Variants in CLSTN2 observed in about 807,000 individuals in gnomAD.
CLSTN2 encodes the protein calsyntenin 2.
CLSTN2 carries 48 observed loss-of-function variants against 101.2 expected under a neutral mutation model. The observed-to-expected ratio is 0.47, with a 90% confidence interval of 0.38 to 0.60. CLSTN2 has a LOEUF of 0.60. CLSTN2 is among the 20% of genes least tolerant of loss of function. The pLI is 0.00. For synonymous variants in CLSTN2, 481 were observed against 463.6 expected (o/e 1.04, Z -0.48); for missense variants, 1,160 against 1,238.2 (o/e 0.94, Z 0.95).
chr3:140,489,371 A>G (rs1934297587), intron 8 of CLSTN2, among the ~76,000 whole-genome samples: 1 of 152,246 alleles, frequency 6.6e-6, no homozygotes, highest in Non-Finnish European at 1.5e-5. Context: ...CTTAAGTGGA[A>G]GAAACAGCAT....
At chr3:140,236,576 C>T (rs940291701) in intron 2 of CLSTN2, among the ~76,000 whole-genome samples, 1 of 152,068 alleles carries the variant, frequency 6.6e-6, no homozygotes, top group African/African-American at 2.4e-5. Context: ...CCTCCACTCC[C>T]GTTTTCTAAG....
At chr3:140,482,754 T>C (rs1209828428) in intron 8 of CLSTN2, among the ~76,000 whole-genome samples, 1 of 152,212 alleles carries the variant, frequency 6.6e-6, no homozygotes, top group Non-Finnish European at 1.5e-5. Context: ...TATTCTCTGA[T>C]GGTAGTTTGT....
chr3:140,224,575 C>A (rs1309334169), intron 2 of CLSTN2, among the ~76,000 whole-genome samples: 1 of 152,114 alleles, frequency 6.6e-6, no homozygotes, highest in African/African-American at 2.4e-5. Flanking sequence ...ACCCACAGAA[C>A]TTTAGTCTGG....
intron 2 of CLSTN2, among the ~76,000 whole-genome samples, chr3:140,371,107 A>G (rs922157981): frequency 3.9e-5 from 6 of 152,174 alleles, no homozygotes; most frequent in African/African-American, 1.4e-4. Flanking sequence ...TCCAGAGGCA[A>G]TGTGTTTCAC....
intron 16 of CLSTN2, among the ~76,000 whole-genome samples, chr3:140,565,465 G>T (rs1055157240): frequency 8.5e-5 from 13 of 152,140 alleles, no homozygotes; most frequent in African/African-American, 2.2e-4. Flanking sequence ...GGGGGAATTG[G>T]ACTGGAAAGG....
chr3:140,144,648 A>G (rs558718848), intron 1 of CLSTN2, among the ~76,000 whole-genome samples: 1 of 152,050 alleles, frequency 6.6e-6, no homozygotes, highest in African/African-American at 2.4e-5. Context: ...GCTTCCACCC[A>G]TCTCTTTTTT....
chr3:139,945,109 A>G (rs1027964075), intron 1 of CLSTN2, among the ~76,000 whole-genome samples: 1 of 152,208 alleles, frequency 6.6e-6, no homozygotes, highest in Non-Finnish European at 1.5e-5. Context: ...GACTTCAGCC[A>G]CTTTGCATCT....
chr3:140,208,537 C>T (rs2010812787), intron 2 of CLSTN2, among the ~76,000 whole-genome samples: 1 of 152,112 alleles, frequency 6.6e-6, no homozygotes, highest in South Asian at 2.1e-4. Flanking sequence ...TGTCTGTTCT[C>T]AGTGCATGAT....
At chr3:140,412,230 G>A (rs753103106) in intron 4 of CLSTN2, among the ~76,000 whole-genome samples, 8 of 152,138 alleles carry the variant, frequency 5.3e-5, no homozygotes, top group Non-Finnish European at 1.2e-4. Context: ...GGTCAGCCTG[G>A]TCTTAAACTC....
intron 1 of CLSTN2, among the ~76,000 whole-genome samples, chr3:140,154,614 G>C (rs1221511608): frequency 6.6e-6 from 1 of 150,584 alleles, no homozygotes; most frequent in Non-Finnish European, 1.5e-5. Context: ...AATGGTAGCA[G>C]GAGAGAGAGA....
In CLSTN2 at chr3:140,566,206, G is replaced by T; in HGVS notation, c.2821G>T (p.Ala941Ser). 6.3e-7 allele frequency: 1 copy of T among 1,598,180 alleles called. No homozygotes were observed. Among genetic ancestry groups the T allele is most frequent in the South Asian group, 1.1e-5 (1 of 88,884 alleles). The change falls in exon 17 of 17, where the codon GCC (alanine) becomes TCC (serine). Residue 941 changes from alanine to serine, a missense_variant. Physicochemically the swap from Ala to Ser is moderately conservative, Grantham distance 99. Transcript: ENST00000458420. ...MGRGRHGQNGARQAQLEWDDS... is the reference protein window; with the variant it reads ...MGRGRHGQNGSRQAQLEWDDS... Reference sequence around the variant, plus strand: ...CAGAGGCAGACATGGGCAGAATGGAGCCAGGCAAGCCCAGCTGGAGTGGGA... The same window carrying T: ...CAGAGGCAGACATGGGCAGAATGGATCCAGGCAAGCCCAGCTGGAGTGGGA...
At chr3:140,247,437 A>G (rs1352889309) in intron 2 of CLSTN2, among the ~76,000 whole-genome samples, 1 of 152,236 alleles carries the variant, frequency 6.6e-6, no homozygotes, top group Admixed American at 6.5e-5. Flanking sequence ...TGGCATCCTT[A>G]TAGTGCCCAG....
At chr3:140,362,617 TAAG>T (rs896629388) in intron 2 of CLSTN2, among the ~76,000 whole-genome samples, 62 of 152,214 alleles carry the variant, frequency 4.1e-4, no homozygotes, top group African/African-American at 1.5e-3. Flanking sequence ...AATTTAATAA[TAAG>T]AGAAAATCAA....
chr3:140,434,898 TA>T (rs75917404), intron 5 of CLSTN2, among the ~76,000 whole-genome samples: 20,866 of 152,178 alleles, frequency 0.14, 1,968 homozygotes, highest in East Asian at 0.46. Flanking sequence ...TTGTATCTTT[TA>T]AAAAAAATTT....
chr3:140,423,214 A>C (rs1351072510), intron 5 of CLSTN2, among the ~76,000 whole-genome samples: 1 of 152,214 alleles, frequency 6.6e-6, no homozygotes, highest in African/African-American at 2.4e-5. Context: ...TGCAAGGAAA[A>C]ACCTGGTCAC....
chr3:140,458,839 CTTATTTGCTCATAGTCACAAAG>C (rs1576579268), intron 6 of CLSTN2, among the ~76,000 whole-genome samples: 2 of 152,224 alleles, frequency 1.3e-5, no homozygotes, highest in East Asian at 3.8e-4. Flanking sequence ...AAAAGGTCAA[CTTATTTGCTCATAGTCACAAAG>C]CTAGCAAATT....
rs146339306 is a variant in CLSTN2 at position 140,477,579 on chromosome 3, A to T, written c.1344+10848A>T. 3.5e-3 allele frequency among the ~76,000 whole-genome samples: 540 copies of T among 152,336 alleles called. 2 individuals are homozygous for T. Among genetic ancestry groups the T allele is most frequent in the African/African-American group, 0.013 (524 of 41,588 alleles). On this transcript the variant is annotated intron_variant, in intron 8 of 16. Coordinates refer to ENST00000458420, the MANE Select transcript of CLSTN2 (RefSeq NM_022131.3). ...TACATTAGGTCTAAACTACACAGTT[A>T]CTTTTGAGGTTAAAACTTAACTCCA...
At chr3:140,133,136 G>A (rs1261948633) in intron 1 of CLSTN2, among the ~76,000 whole-genome samples, 2 of 152,302 alleles carry the variant, frequency 1.3e-5, no homozygotes, top group Non-Finnish European at 2.9e-5. Context: ...CGAAGTGGGT[G>A]TAGACATGTC....
chr3:140,522,257 G>T (rs905208760), intron 8 of CLSTN2, among the ~76,000 whole-genome samples: 1 of 152,218 alleles, frequency 6.6e-6, no homozygotes, highest in Non-Finnish European at 1.5e-5. Flanking sequence ...TCAGTTGAAG[G>T]TGCTGAATTC....
Sources: gnomAD v4.1 joint callset for allele counts (sites outside exome capture counted in the v4.1 genomes callset) on GRCh38, gnomAD v4.1.1 for gene constraint, MANE v1.5 for transcripts, NCBI Gene and HGNC (gene_info 2026-07-23, HGNC 2026-07-21) for gene names.